Variants in EPHA6 observed in about 807,000 individuals in gnomAD.
EPHA6 encodes the protein EPH receptor A6, also known as ephrin type-A receptor 6.
EPHA6 carries 50 observed loss-of-function variants against 112.0 expected under a neutral mutation model. The ratio of observed to expected loss-of-function variants is 0.45; its 90% CI spans 0.36 to 0.56. The LOEUF (loss-of-function observed/expected upper bound fraction) is 0.56, where lower values mean the gene tolerates loss of function less well. EPHA6 is among the 20% of genes least tolerant of loss of function. The pLI, the probability that EPHA6 is intolerant of heterozygous loss-of-function variation, is 0.00. For missense variants in EPHA6, 1,280 were observed against 1,417.4 expected (o/e 0.90, Z 1.56); for synonymous variants, 529 against 490.7 (o/e 1.08, Z -1.03).
intron 11 of EPHA6, among the ~76,000 whole-genome samples, chr3:97,586,700 T>C (rs559691626): frequency 2.0e-5 from 3 of 150,324 alleles, no homozygotes; most frequent in African/African-American, 7.5e-5. Context: ...GATGGATGGA[T>C]AGATGATGGA....
chr3:97,379,751 CAAAAAAA>C (rs71623570), intron 5 of EPHA6, among the ~76,000 whole-genome samples: 1,288 of 30,416 alleles, frequency 0.042, 14 homozygotes, highest in South Asian at 0.19. Flanking sequence ...TCTGTCTCCC[CAAAAAAA>C]AAAAAAAAAA....
At chr3:97,022,011 A>C (rs1351184990) in intron 3 of EPHA6, among the ~76,000 whole-genome samples, 1 of 152,120 alleles carries the variant, frequency 6.6e-6, no homozygotes, top group African/African-American at 2.4e-5. Flanking sequence ...CTCATCACTA[A>C]AATTACTATA....
intron 3 of EPHA6, among the ~76,000 whole-genome samples, chr3:97,182,558 A>G (rs1360954330): frequency 6.6e-6 from 1 of 152,030 alleles, no homozygotes; most frequent in African/African-American, 2.4e-5. Flanking sequence ...GAACACAATC[A>G]GTATTTTGTC....
intron 11 of EPHA6, among the ~76,000 whole-genome samples, chr3:97,585,499 T>C (rs1028788901): frequency 6.6e-6 from 1 of 152,174 alleles, no homozygotes; most frequent in Non-Finnish European, 1.5e-5. Context: ...AAATACCTCA[T>C]AAAAATCTAG....
At chr3:97,334,868 A>G (rs28654642) in intron 5 of EPHA6, among the ~76,000 whole-genome samples, 6 of 151,902 alleles carry the variant, frequency 3.9e-5, no homozygotes, top group Non-Finnish European at 7.4e-5. Context: ...TCTTTCTCCC[A>G]TTGATTTCTC....
chr3:97,496,859 T>C (rs886114100), intron 10 of EPHA6, among the ~76,000 whole-genome samples: 2 of 152,178 alleles, frequency 1.3e-5, no homozygotes, highest in Non-Finnish European at 2.9e-5. Flanking sequence ...GTAATGTGAA[T>C]ATTGATTATT....
intron 10 of EPHA6, among the ~76,000 whole-genome samples, chr3:97,516,329 C>T (rs2092448359): frequency 6.6e-6 from 1 of 152,136 alleles, no homozygotes; most frequent in Admixed American, 6.5e-5. Flanking sequence ...TACTAACAAG[C>T]CTTGTTAAGC....
At chr3:97,724,202 T>A (rs1486496532) in intron 15 of EPHA6, among the ~76,000 whole-genome samples, 5 of 152,156 alleles carry the variant, frequency 3.3e-5, no homozygotes, top group Non-Finnish European at 7.4e-5. Flanking sequence ...TTTATGAGTT[T>A]CTCCGTTCTG....
chr3:97,237,341 C>T (rs1156418872), intron 4 of EPHA6, among the ~76,000 whole-genome samples: 3 of 151,950 alleles, frequency 2.0e-5, no homozygotes, highest in African/African-American at 7.2e-5. Flanking sequence ...ATCCTCGTTT[C>T]CCCAATTATA....
intron 3 of EPHA6, among the ~76,000 whole-genome samples, chr3:97,162,059 C>T (rs1426357564): frequency 6.6e-6 from 1 of 152,142 alleles, no homozygotes; most frequent in Non-Finnish European, 1.5e-5. Context: ...GAAACCACAT[C>T]TGCAGCAGCT....
intron 14 of EPHA6, among the ~76,000 whole-genome samples, chr3:97,641,697 G>A (rs1183650680): frequency 2.0e-5 from 3 of 152,136 alleles, no homozygotes; most frequent in South Asian, 2.1e-4. Context: ...CTGGAAAATC[G>A]GGTCACTCCC....
chr3:96,891,210 T>C (rs2037940869), intron 2 of EPHA6, among the ~76,000 whole-genome samples: 1 of 152,118 alleles, frequency 6.6e-6, no homozygotes, highest in South Asian at 2.1e-4. Context: ...CAGTAAAATA[T>C]ATAAATAAAT....
intron 11 of EPHA6, among the ~76,000 whole-genome samples, chr3:97,573,246 T>C (rs2093351891): frequency 6.6e-6 from 1 of 152,196 alleles, no homozygotes; most frequent in Admixed American, 6.5e-5. Context: ...ATCTGCTTCT[T>C]ATTTGTGTAC....
intron 3 of EPHA6, among the ~76,000 whole-genome samples, chr3:97,030,898 A>AG (rs1378529350): frequency 6.6e-6 from 1 of 151,950 alleles, no homozygotes; most frequent in Non-Finnish European, 1.5e-5. Context: ...GTAATTTCTT[A>AG]GGAAAAATGC....
chr3:97,148,744 T>C (rs1163283210), intron 3 of EPHA6, among the ~76,000 whole-genome samples: 1 of 152,146 alleles, frequency 6.6e-6, no homozygotes, highest in Non-Finnish European at 1.5e-5. Flanking sequence ...CTGGATATTA[T>C]GGACCATTTT....
intron 12 of EPHA6, among the ~76,000 whole-genome samples, chr3:97,602,052 A>G (rs1256152193): frequency 6.6e-6 from 1 of 152,012 alleles, no homozygotes; most frequent in African/African-American, 2.4e-5. Context: ...AGGATGTAAC[A>G]CTTTCTCTAG....
intron 13 of EPHA6, among the ~76,000 whole-genome samples, chr3:97,626,584 C>T (rs866296966): frequency 2.0e-5 from 3 of 151,510 alleles, no homozygotes; most frequent in Non-Finnish European, 4.4e-5. Flanking sequence ...TAGAAAGAAT[C>T]GAGAGTATAT....
In EPHA6 at chr3:97,061,332, G is replaced by A. The variant is rs183120945; in HGVS notation, c.1114+73339G>A. Among the ~76,000 whole-genome samples, 307 of 152,240 alleles carry A rather than the reference G, an allele frequency of 2.0e-3. 2 individuals are homozygous for A. The highest frequency in any genetic ancestry group is 6.9e-3 in the African/African-American group (285 of 41,536). ...AGACAGAGGTACATACGGGGAAATG[G>A]GGCAACATTGAACTGGAGAGCCAGG... is the stretch of plus-strand genomic sequence containing the variant. On this transcript the variant is annotated intron_variant, in intron 3 of 17. Coordinates refer to ENST00000389672, the MANE Select transcript of EPHA6 (RefSeq NM_001080448.3).
intron 11 of EPHA6, among the ~76,000 whole-genome samples, chr3:97,553,856 T>C (rs1397529724): frequency 6.6e-6 from 1 of 152,164 alleles, no homozygotes; most frequent in Non-Finnish European, 1.5e-5. Context: ...AGGTAATTGA[T>C]GTCTACTGTA....
Sources: gnomAD v4.1 joint callset for allele counts (sites outside exome capture counted in the v4.1 genomes callset) on GRCh38, gnomAD v4.1.1 for gene constraint, MANE v1.5 for transcripts, NCBI Gene and HGNC (gene_info 2026-07-23, HGNC 2026-07-21) for gene names.